The following NKD1 variants were observed in gnomAD, a reference collection of about 807,000 sequenced individuals.
The protein encoded by NKD1 is protein naked cuticle homolog 1.
In NKD1, 21 loss-of-function variants were observed where a neutral mutation model predicts 56.0. The observed-to-expected ratio is 0.38, with a 90% confidence interval of 0.27 to 0.54. The LOEUF is 0.54. NKD1 is among the 20% of genes least tolerant of loss of function. The pLI is 0.82. For missense variants in NKD1, 578 were observed against 642.7 expected, an observed-to-expected ratio of 0.90 and a Z score of 1.09; for synonymous variants, 263 against 265.7, an observed-to-expected ratio of 0.99 and a Z score of 0.10.
rs1385024801 is a variant in NKD1, at chr16:50,627,319, A to G, written c.462+1739A>G. Among the ~76,000 whole-genome samples the G allele has an allele frequency of 2.0e-5, 3 of 152,150 alleles. No individual in the cohort carries two copies. In the East Asian group the frequency reaches 5.8e-4, roughly 29 times the overall value. On this transcript the variant is annotated intron_variant, in intron 6 of 9. Coordinates refer to ENST00000268459, the MANE Select transcript of NKD1 (RefSeq NM_033119.5). ...AGCTCTATTTCCCTTCTTGTGAGGC[A>G]GACTCTCCCCTTGGCAGTAGCAAGA...
intron 3 of NKD1, chr16:50,572,888 G>C: frequency 3.0e-6 from 3 of 984,280 alleles, no homozygotes; most frequent in Non-Finnish European, 3.6e-6. Context: ...TCATGAGGTC[G>C]GAAGGGGTGC....
chr16:50,578,269 C>T (rs1365878790), intron 3 of NKD1, among the ~76,000 whole-genome samples: 1 of 152,140 alleles, frequency 6.6e-6, no homozygotes, highest in Admixed American at 6.5e-5. Context: ...TGCTCATGTT[C>T]GATTAGTGAG....
chr16:50,560,364 G>T (rs1296015292), intron 3 of NKD1, among the ~76,000 whole-genome samples: 2 of 152,250 alleles, frequency 1.3e-5, no homozygotes, highest in Non-Finnish European at 2.9e-5. Context: ...GGAGGAGGTG[G>T]TAACAGCGTA....
At chr16:50,627,742 C>T (rs149166696) in intron 6 of NKD1, among the ~76,000 whole-genome samples, 10 of 152,326 alleles carry the variant, frequency 6.6e-5, no homozygotes, top group Middle Eastern at 3.4e-3. Flanking sequence ...CCGATTCCTA[C>T]GTGTCTGCCC....
At chr16:50,600,465 GAACCA>G (rs1027531948) in intron 3 of NKD1, among the ~76,000 whole-genome samples, 8 of 151,666 alleles carry the variant, frequency 5.3e-5, no homozygotes, top group African/African-American at 1.5e-4. Flanking sequence ...CCCCATCTAA[GAACCA>G]AACCAAACCA....
Position 50,621,723 on chromosome 16 carries a change from G to C in NKD1, c.366+15G>C, listed in dbSNP as rs1289114510. Reference sequence around the variant, plus strand: ...TGAAGTTTGAAGTAAGTTTCCTTTTGGTGCTGGGTCCTGAGGAGATGAGAT... The same window carrying C: ...TGAAGTTTGAAGTAAGTTTCCTTTTCGTGCTGGGTCCTGAGGAGATGAGAT... On this transcript the variant is annotated intron_variant, in intron 5 of 9. Transcript: ENST00000268459. 1 of 1,599,360 alleles carries C rather than the reference G, an allele frequency of 6.3e-7. No individual in the cohort carries two copies.
Position 50,577,649 on chromosome 16 carries a change from C to T in NKD1, c.192+28094C>T, listed in dbSNP as rs551937865. The stretch of plus-strand genomic sequence containing the variant: ...ATAACTGAAACTTTGTACCCCTTGG[C>T]CATCACCCCTTTCCATTTCCTCCTT... On this transcript the variant is annotated intron_variant, in intron 3 of 9. Coordinates refer to ENST00000268459, the MANE Select transcript of NKD1 (RefSeq NM_033119.5). 7.9e-5 allele frequency among the ~76,000 whole-genome samples: 12 copies of T among 152,320 alleles called. No individual in the cohort carries two copies. The East Asian group carries it at 1.7e-3, about 22-fold the overall frequency.
intron 3 of NKD1, among the ~76,000 whole-genome samples, chr16:50,571,292 G>A (rs148315176): frequency 7.2e-5 from 11 of 152,228 alleles, no homozygotes; most frequent in Non-Finnish European, 1.5e-4. Flanking sequence ...TCTGCCTCCT[G>A]TGGGGAGATG....
intron 3 of NKD1, among the ~76,000 whole-genome samples, chr16:50,590,726 G>A (rs117604659): frequency 6.6e-6 from 1 of 152,220 alleles, no homozygotes; most frequent in African/African-American, 2.4e-5. Context: ...CAGGCCATGT[G>A]GGGGCATGGT....
chr16:50,569,814 AGAACTTATTAAGTG>A (rs1469936609), intron 3 of NKD1, among the ~76,000 whole-genome samples: 3 of 152,182 alleles, frequency 2.0e-5, no homozygotes, highest in African/African-American at 7.2e-5. Flanking sequence ...AGGAGGTCCA[AGAACTTATTAAGTG>A]GAACCCTCTG....
At chr16:50,555,130 G>A (rs1960473429) in intron 3 of NKD1, among the ~76,000 whole-genome samples, 1 of 152,150 alleles carries the variant, frequency 6.6e-6, no homozygotes, top group South Asian at 2.1e-4. Context: ...TGAGGAGAGA[G>A]GAGGAAGGAG....
rs1354247049 is a variant in NKD1, at chr16:50,598,602, G to A, written c.193-9692G>A. On this transcript the variant is annotated intron_variant, in intron 3 of 9. Coordinates refer to ENST00000268459, the MANE Select transcript of NKD1 (RefSeq NM_033119.5). The surrounding 1 kb of genome is among the most constrained non-coding windows in gnomAD (Gnocchi z 4.2). ...ACGTGCTAGACCCTGGCAGCAGACCGGGGGCCTGTCCCAGGGCCAGGAACT... is the reference window on the plus strand; with the variant it reads ...ACGTGCTAGACCCTGGCAGCAGACCAGGGGCCTGTCCCAGGGCCAGGAACT... Among the ~76,000 whole-genome samples, 3 of 152,172 alleles carry A rather than the reference G, an allele frequency of 2.0e-5. No individual in the cohort carries two copies. Among genetic ancestry groups the A allele is most frequent in the Non-Finnish European group, 4.4e-5 (3 of 68,028 alleles).
chr16:50,631,855 C>T (rs1962352490), intron 8 of NKD1, among the ~76,000 whole-genome samples: 2 of 152,244 alleles, frequency 1.3e-5, no homozygotes, highest in Admixed American at 1.3e-4. Context: ...GTCTGCCTGG[C>T]CCAACCCCAA....
rs1200366036 is a variant in NKD1 at position 50,621,613 on chromosome 16, C to T, written c.271C>T (p.Pro91Ser). ...DDFRLEVALP[P>S]EKTDGLGSGD... ...TGCCTCCCCGACAGTGGCCCTGCCTCCTGAGAAGACTGACGGGCTGGGCAG... is the reference window on the plus strand; with the variant it reads ...TGCCTCCCCGACAGTGGCCCTGCCTTCTGAGAAGACTGACGGGCTGGGCAG... The change falls in exon 5 of 10, where the codon CCT (proline) becomes TCT (serine). Residue 91 changes from proline (P) to serine (S), a missense_variant. Pro to Ser is a moderately conservative substitution (Grantham distance 74, BLOSUM62 -1). Coordinates refer to ENST00000268459, the MANE Select transcript of NKD1 (RefSeq NM_033119.5). 2.5e-6 allele frequency: 4 copies of T among 1,613,700 alleles called. No individual in the cohort carries two copies. Among genetic ancestry groups the T allele is most frequent in the Non-Finnish European group, 3.4e-6 (4 of 1,179,728 alleles).
intron 3 of NKD1, among the ~76,000 whole-genome samples, chr16:50,565,929 G>T (rs938897402): frequency 6.6e-6 from 1 of 152,130 alleles, no homozygotes; most frequent in Non-Finnish European, 1.5e-5. Flanking sequence ...TAGATCATTT[G>T]TGGGCTTCTG....
intron 2 of NKD1, 93 bp downstream of exon 2, chr16:50,548,842 G>A: frequency 7.8e-7 from 1 of 1,274,820 alleles, no homozygotes; most frequent in African/African-American, 1.6e-5. Context: ...TTATGACCAG[G>A]GCCACCCCGA....
intron 3 of NKD1, among the ~76,000 whole-genome samples, chr16:50,550,614 C>T (rs548714084): frequency 6.6e-6 from 1 of 152,160 alleles, no homozygotes; most frequent in South Asian, 2.1e-4. Context: ...CACTGCTTAG[C>T]TGGGGGCTTC....
intron 3 of NKD1, among the ~76,000 whole-genome samples, chr16:50,601,312 G>A (rs1190367333): frequency 1.3e-5 from 2 of 152,304 alleles, no homozygotes; most frequent in Admixed American, 1.3e-4. Context: ...TGCAAGTAAC[G>A]GAAACCCAAC....
At chr16:50,572,831 A>G in intron 3 of NKD1, 3 of 967,886 alleles carry the variant, frequency 3.1e-6, no homozygotes, top group Non-Finnish European at 3.7e-6. Flanking sequence ...GGAGATGTGG[A>G]GGTTAGAAAG....
Sources: allele counts gnomAD v4.1 joint callset (sites outside exome capture counted in the v4.1 genomes callset), GRCh38; gene constraint gnomAD v4.1.1; non-coding constraint Gnocchi (gnomAD v3.1); transcripts MANE v1.5; gene names NCBI Gene and HGNC (gene_info 2026-07-23, HGNC 2026-07-21).